The following HADH variants were observed in gnomAD, a reference collection of about 807,000 sequenced individuals.
HADH encodes hydroxyacyl-CoA dehydrogenase, also known as hydroxyacyl-coenzyme A dehydrogenase, mitochondrial.
HADH carries 24 observed loss-of-function variants against 32.2 expected under a neutral mutation model. The observed-to-expected ratio is 0.75, with a 90% CI of 0.54 to 1.05. HADH has a LOEUF of 1.05. Among genes scored for constraint, HADH ranks in the 50% least tolerant of loss-of-function variants. HADH has a pLI of 0.00. For missense variants in HADH, 350 were observed against 397.1 expected (o/e 0.88, Z 1.01); for synonymous variants, 139 against 152.5 (o/e 0.91, Z 0.65).
At chr4:108,016,477 CT>C (rs1322042352) in intron 3 of HADH, among the ~76,000 whole-genome samples, 2 of 152,232 alleles carry the variant, frequency 1.3e-5, no homozygotes, top group African/African-American at 4.8e-5. Context: ...ACAGAGACAT[CT>C]GACAAAAACA....
intron 4 of HADH, among the ~76,000 whole-genome samples, chr4:108,022,994 CTTTT>C (rs11335135): frequency 5.1e-5 from 6 of 118,308 alleles, no homozygotes; most frequent in Non-Finnish European, 7.4e-5. Flanking sequence ...ACACTGTTGT[CTTTT>C]TTTTTTTTTT....
intron 2 of HADH, among the ~76,000 whole-genome samples, chr4:108,012,104 C>T (rs1247815068): frequency 2.0e-5 from 3 of 151,578 alleles, no homozygotes; most frequent in African/African-American, 7.3e-5. Flanking sequence ...ACTGTGTTGC[C>T]CAGGCTGCTC....
At chr4:108,007,690 C>T (rs775985591) in intron 1 of HADH, among the ~76,000 whole-genome samples, 6 of 152,144 alleles carry the variant, frequency 3.9e-5, no homozygotes, top group Non-Finnish European at 8.8e-5. Flanking sequence ...TAGACTAACG[C>T]ACCAGTAGGA....
At position 108,019,660 on chromosome 4, in the gene HADH, T is replaced by C. The variant is rs766947866; in HGVS notation, c.540T>C (p.Leu180=). ...TCAACCCAGTGCCTGTCATGAAACT[T>C]GTGGAGGTCAGTGGGTGTCAGCTTG... ...HFFNPVPVMK[L]VEVIKTPMTS... The change falls in exon 4 of 8, where the codon CTT becomes CTC. Residue 180 remains leucine, a synonymous_variant. Transcript: ENST00000309522. The C allele has an allele frequency of 3.1e-6, 5 of 1,614,090 alleles. No individual in the cohort carries two copies. In the Admixed American group the frequency reaches 6.7e-5, roughly 22 times the overall value.
At chr4:108,005,360 A>G (rs1361006705) in intron 1 of HADH, 1 of 160,482 alleles carries the variant, frequency 6.2e-6, no homozygotes, top group Admixed American at 5.9e-5. Flanking sequence ...TCCTCCAAGG[A>G]CATTTTGCCG....
At chr4:108,016,487 C>T (rs1735698836) in intron 3 of HADH, among the ~76,000 whole-genome samples, 1 of 152,208 alleles carries the variant, frequency 6.6e-6, no homozygotes, top group Non-Finnish European at 1.5e-5. Flanking sequence ...CTGACAAAAA[C>T]AGAATATACT....
At chr4:107,991,319 A>G (rs1734798996) in intron 1 of HADH, among the ~76,000 whole-genome samples, 1 of 152,206 alleles carries the variant, frequency 6.6e-6, no homozygotes, top group Non-Finnish European at 1.5e-5. Context: ...TACTGTGGCT[A>G]CAGTCATGAG....
intron 1 of HADH, among the ~76,000 whole-genome samples, chr4:107,995,135 G>C (rs1734918870): frequency 6.6e-6 from 1 of 152,054 alleles, no homozygotes; most frequent in Non-Finnish European, 1.5e-5. Flanking sequence ...GATGTTCTCT[G>C]TGGCTCCCCC....
chr4:108,033,046 G>A, intron 6 of HADH, 130 bp from the exon 7 acceptor site: 1 of 758,874 alleles, frequency 1.3e-6, no homozygotes, highest in Non-Finnish European at 2.4e-6. Flanking sequence ...ACCCAAGCCA[G>A]AAAGTCTCAG....
chr4:107,997,696 T>TA (rs1253317665), intron 1 of HADH, among the ~76,000 whole-genome samples: 2 of 152,112 alleles, frequency 1.3e-5, no homozygotes, highest in Non-Finnish European at 2.9e-5. Flanking sequence ...CTCAAGGTCT[T>TA]ACCAGCATGT....
chr4:107,999,684 A>G (rs867847147), intron 1 of HADH, among the ~76,000 whole-genome samples: 4 of 152,336 alleles, frequency 2.6e-5, no homozygotes, highest in Middle Eastern at 3.4e-3. Context: ...TGAGTATGAA[A>G]TATCTCCCTT....
intron 1 of HADH, among the ~76,000 whole-genome samples, chr4:108,005,600 G>A (rs1735270295): frequency 6.6e-6 from 1 of 152,196 alleles, no homozygotes; most frequent in Admixed American, 6.5e-5. Flanking sequence ...ACAGTCATAT[G>A]CTCATTTAAT....
chr4:108,034,452 C>CT lies in HADH; in HGVS notation c.*96dup, dbSNP rs745804336. ...GGAATGCTCTTTGGTCAGACATTCC[C>CT]TCACACAGTACAGTTTAATAAATGT... On this transcript the variant is annotated 3_prime_UTR_variant, in exon 8 of 8. Coordinates refer to ENST00000309522, the MANE Select transcript of HADH (RefSeq NM_005327.7). 4.2e-5 allele frequency: 33 copies of CT among 783,810 alleles called. No individual in the cohort carries two copies. The highest frequency in any genetic ancestry group is 6.4e-5 in the Non-Finnish European group (27 of 423,540). 48.6% of individuals were successfully genotyped at this position (783,810 alleles called of 1,614,324 possible).
intron 4 of HADH, among the ~76,000 whole-genome samples, chr4:108,022,682 A>G (rs17038436): frequency 0.02 from 2,971 of 152,302 alleles, 100 homozygotes; most frequent in African/African-American, 0.066. Context: ...TTTAAGGGCA[A>G]CCATCATATA....
chr4:107,997,467 G>A (rs1011706187), intron 1 of HADH, among the ~76,000 whole-genome samples: 1 of 152,102 alleles, frequency 6.6e-6, no homozygotes, highest in African/African-American at 2.4e-5. Context: ...AATAAATCCA[G>A]TGTGCTTCTG....
In HADH at chr4:108,033,177, T is replaced by G. The variant is rs1171076431; in HGVS notation, c.711T>G (p.Gly237=). 6.5e-7 allele frequency: 1 copy of G among 1,536,130 alleles called. No homozygotes were observed. ...LMEAIRLYER[G]DASKEDIDTA... The stretch of plus-strand genomic sequence containing the variant: ...CCAGTGCTGCCGTTTTCTCCTTAGG[T>G]GACGCATCCAAAGAAGACATTGACA... Residue 237 remains glycine (G), a splice_region_variant and synonymous_variant, in exon 7 of 8, where the codon GGT becomes GGG. Transcript: ENST00000309522.
rs368033440 is a variant in HADH, at chr4:108,014,426, A to C, written c.262-5A>C. The C allele has an allele frequency of 4.3e-6, 7 of 1,613,986 alleles. No homozygotes were observed. In the Admixed American group the frequency reaches 6.7e-5, roughly 15 times the overall value. On this transcript the variant is annotated splice_region_variant and splice_polypyrimidine_tract_variant and intron_variant, in intron 2 of 7. Coordinates refer to ENST00000309522, the MANE Select transcript of HADH (RefSeq NM_005327.7). Reference sequence around the variant, plus strand: ...AATGTTCTCTTCTTCCTCCCACTGCATTAGGCCGGCGATGAATTTGTGGAG... The same window carrying C: ...AATGTTCTCTTCTTCCTCCCACTGCCTTAGGCCGGCGATGAATTTGTGGAG...
At chr4:108,034,146 C>G in intron 7 of HADH, 93 bp from the exon 8 acceptor site, 1 of 884,136 alleles carries the variant, frequency 1.1e-6, no homozygotes. Flanking sequence ...TCTCCCACAT[C>G]AGAGGCAGGC....
At chr4:108,009,143 CTT>C (rs1403016125) in intron 1 of HADH, among the ~76,000 whole-genome samples, 1 of 152,152 alleles carries the variant, frequency 6.6e-6, no homozygotes, top group African/African-American at 2.4e-5. Context: ...GGACAGGAGT[CTT>C]TTTGCCACCA....
Sources: gnomAD v4.1 joint callset for allele counts (sites outside exome capture counted in the v4.1 genomes callset) on GRCh38, gnomAD v4.1.1 for gene constraint, MANE v1.5 for transcripts, NCBI Gene and HGNC (gene_info 2026-07-23, HGNC 2026-07-21) for gene names.